Variants in ABI3BP observed in about 807,000 individuals in gnomAD.
ABI3BP encodes ABI family member 3 binding protein.
A neutral mutation model predicts 268.6 loss-of-function variants in ABI3BP; 216 were observed. That is an observed-to-expected ratio of 0.80 (90% CI 0.72 to 0.90). The LOEUF is 0.90. ABI3BP is among the 40% of genes least tolerant of loss of function. The pLI is 0.00. For synonymous variants in ABI3BP, 730 were observed against 730.0 expected (o/e 1.00, Z 0.00); for missense variants, 2,090 against 2,182.4 (o/e 0.96, Z 0.84).
intron 1 of ABI3BP, among the ~76,000 whole-genome samples, chr3:100,960,738 T>C (rs1269233927): frequency 6.6e-6 from 1 of 152,106 alleles, no homozygotes; most frequent in Non-Finnish European, 1.5e-5. Context: ...TGACAAGAAA[T>C]GTTGGTGGAC....
At chr3:100,865,651 G>C (rs1360420842) in intron 10 of ABI3BP, among the ~76,000 whole-genome samples, 1 of 152,186 alleles carries the variant, frequency 6.6e-6, no homozygotes, top group African/African-American at 2.4e-5. Context: ...ATAACCCTGA[G>C]TAATAAGTTG....
intron 1 of ABI3BP, among the ~76,000 whole-genome samples, chr3:100,988,020 T>C (rs1422887265): frequency 1.3e-5 from 2 of 152,224 alleles, no homozygotes; most frequent in Non-Finnish European, 2.9e-5. Flanking sequence ...TCTAACGTAC[T>C]GTTTAATACA....
chr3:100,967,134 G>A (rs2081630600), intron 1 of ABI3BP, among the ~76,000 whole-genome samples: 1 of 152,056 alleles, frequency 6.6e-6, no homozygotes, highest in Non-Finnish European at 1.5e-5. Context: ...ACTAATAAAG[G>A]TAAATCTTGT....
chr3:100,814,739 G>C (rs978535123), intron 44 of ABI3BP, among the ~76,000 whole-genome samples: 9 of 152,090 alleles, frequency 5.9e-5, no homozygotes, highest in African/African-American at 1.7e-4. Context: ...CAAAGAATGA[G>C]GAAATGATTG....
At position 100,812,933 on chromosome 3, in the gene ABI3BP, T is replaced by G. The variant is rs149658958; in HGVS notation, c.3365-410A>C. ...GTCTGGCTTTGTCAACCAGATGGAG[T>G]AGGGTGGCATGAACATGGCTCACTG... On this transcript the variant is annotated intron_variant, in intron 45 of 67. Transcript: ENST00000471714. Among the ~76,000 whole-genome samples the G allele has an allele frequency of 2.2e-3, 338 of 152,146 alleles. 4 individuals carry two copies. The highest frequency in any genetic ancestry group is 7.6e-3 in the African/African-American group (316 of 41,510).
At position 100,979,805 on chromosome 3, in the gene ABI3BP, A is replaced by G. The variant is rs140083697; in HGVS notation, c.79+13501T>C. Among the ~76,000 whole-genome samples, 22 of 152,354 alleles carry G rather than the reference A, an allele frequency of 1.4e-4. No homozygotes were observed. In the East Asian group the frequency reaches 4.0e-3, roughly 28 times the overall value. On this transcript the variant is annotated intron_variant, in intron 1 of 67. Transcript: ENST00000471714. Reference sequence around the variant, plus strand: ...GCAATTCAGCTCACAAATTTATGGGATTATAGGACTCAATGCACATTCCTT... The same window carrying G: ...GCAATTCAGCTCACAAATTTATGGGGTTATAGGACTCAATGCACATTCCTT...
At chr3:100,885,414 C>T (rs1210277302) in intron 6 of ABI3BP, 122 bp downstream of exon 6, 1 of 493,540 alleles carries the variant, frequency 2.0e-6, no homozygotes, top group East Asian at 3.4e-5. Context: ...AAACTAAGTA[C>T]TTTCTCCACT....
In ABI3BP at chr3:100,759,638, C is replaced by T. The variant is rs557063935; in HGVS notation, c.4851-4947G>A. Among the ~76,000 whole-genome samples the T allele has an allele frequency of 3.3e-5, 5 of 152,216 alleles. No individual in the cohort carries two copies. The South Asian group carries it at 6.2e-4, about 19-fold the overall frequency. ...CTTTCTTCCACTCCCTTCCTAAATG[C>T]CAAGCAATAGCAAAGAAAAATAAAA... is the stretch of plus-strand genomic sequence containing the variant. On this transcript the variant is annotated intron_variant, in intron 63 of 67. Transcript: ENST00000471714.
intron 3 of ABI3BP, among the ~76,000 whole-genome samples, chr3:100,899,706 A>G (rs2049310232): frequency 6.6e-6 from 1 of 152,242 alleles, no homozygotes; most frequent in South Asian, 2.1e-4. Flanking sequence ...GACTCATTGA[A>G]AATAATTAGA....
intron 62 of ABI3BP, among the ~76,000 whole-genome samples, chr3:100,767,160 G>A (rs2096312813): frequency 6.6e-6 from 1 of 152,072 alleles, no homozygotes; most frequent in Non-Finnish European, 1.5e-5. Context: ...GGCTGGTATT[G>A]AACTTCTGAG....
At chr3:100,937,773 C>T (rs2066916995) in intron 1 of ABI3BP, among the ~76,000 whole-genome samples, 1 of 152,070 alleles carries the variant, frequency 6.6e-6, no homozygotes, top group South Asian at 2.1e-4. Context: ...TCTGCTTTGA[C>T]AGCAGGTTAC....
intron 1 of ABI3BP, chr3:100,945,659 G>A (rs993809915): frequency 4.5e-6 from 2 of 445,500 alleles, no homozygotes; most frequent in Non-Finnish European, 9.0e-6. Flanking sequence ...TGTATCACTA[G>A]TTCAGTCCTT....
intron 1 of ABI3BP, among the ~76,000 whole-genome samples, chr3:100,959,255 C>T (rs1302543610): frequency 1.3e-5 from 2 of 151,882 alleles, no homozygotes; most frequent in African/African-American, 2.4e-5. Context: ...CTTTGGGAGG[C>T]CGAGGCGGGC....
intron 38 of ABI3BP, among the ~76,000 whole-genome samples, chr3:100,822,135 C>T (rs1196507182): frequency 1.3e-5 from 2 of 152,110 alleles, no homozygotes; most frequent in East Asian, 3.9e-4. Context: ...CAGATACTGC[C>T]CCATACCATC....
chr3:100,861,853 T>C (rs947746084), intron 14 of ABI3BP, among the ~76,000 whole-genome samples: 1 of 152,222 alleles, frequency 6.6e-6, no homozygotes, highest in Non-Finnish European at 1.5e-5. Context: ...CTACATATCA[T>C]GCTACACTTA....
chr3:100,866,761 C>T lies in ABI3BP; in HGVS notation c.988+118G>A, dbSNP rs879034290. 9.7e-6 allele frequency: 8 copies of T among 826,356 alleles called. No individual in the cohort carries two copies. In the South Asian group the frequency reaches 1.1e-4, roughly 11 times the overall value. The allele number at this position is 826,356 out of a possible 1,614,324, so 51.2% of individuals were successfully genotyped here. A position where few individuals can be genotyped will look rare whatever the true frequency, so the allele number is the denominator to read the frequency against. Reference sequence around the variant, plus strand: ...AGACCTAGAATCTCCTACTGTTTTGCATTTATGATCAAAATGTATTTCCTA... The same window carrying T: ...AGACCTAGAATCTCCTACTGTTTTGTATTTATGATCAAAATGTATTTCCTA... On this transcript the variant is annotated intron_variant, in intron 10 of 67. Coordinates refer to ENST00000471714, the MANE Select transcript of ABI3BP (RefSeq NM_001375547.2).
rs991960559 is a variant in ABI3BP, at chr3:100,787,813, G to A, written c.4088-11C>T. ...TTGTCCTATTCAGAACTAAAATAAA[G>A]TGGGATATAAATAGTTCATTTTCTT... On this transcript the variant is annotated splice_polypyrimidine_tract_variant and intron_variant, in intron 56 of 67. Transcript: ENST00000471714. 6.0e-6 allele frequency: 9 copies of A among 1,507,378 alleles called. No individual in the cohort carries two copies. In the African/African-American group the frequency reaches 1.3e-4, roughly 21 times the overall value. 93.4% of individuals were successfully genotyped at this position (1,507,378 alleles called of 1,614,324 possible). A position where few individuals can be genotyped will look rare whatever the true frequency, so the allele number is the denominator to read the frequency against.
chr3:100,907,700 T>C (rs2054085515), intron 2 of ABI3BP, among the ~76,000 whole-genome samples: 1 of 152,078 alleles, frequency 6.6e-6, no homozygotes, highest in South Asian at 2.1e-4. Context: ...ACCAAACTCA[T>C]TCATAAATAT....
intron 63 of ABI3BP, among the ~76,000 whole-genome samples, chr3:100,758,117 AAAC>A (rs1394509382): frequency 6.6e-6 from 1 of 152,018 alleles, no homozygotes; most frequent in Non-Finnish European, 1.5e-5. Flanking sequence ...AACAAAAAAA[AAAC>A]AATCTTCCCC....
Sources: allele counts gnomAD v4.1 joint callset (sites outside exome capture counted in the v4.1 genomes callset), GRCh38; gene constraint gnomAD v4.1.1; transcripts MANE v1.5; gene names NCBI Gene and HGNC (gene_info 2026-07-23, HGNC 2026-07-21).